The following SNTG1 variants were observed in gnomAD, a reference collection of about 807,000 sequenced individuals.
SNTG1 encodes syntrophin gamma 1.
Under a neutral mutation model 74.7 loss-of-function variants are expected in SNTG1, and 39 were observed. The ratio of observed to expected loss-of-function variants is 0.52; its 90% CI spans 0.40 to 0.68. The LOEUF (loss-of-function observed/expected upper bound fraction) is 0.68. Among genes scored for constraint, SNTG1 ranks in the 30% least tolerant of loss-of-function variants. The pLI is 0.00. For synonymous variants in SNTG1, 254 were observed against 217.1 expected (o/e 1.17, Z -1.49); for missense variants, 685 against 609.5 (o/e 1.12, Z -1.30).
At chr8:50,209,744 G>A (rs574416936) in intron 2 of SNTG1, among the ~76,000 whole-genome samples, 67 of 152,162 alleles carry the variant, frequency 4.4e-4, no homozygotes, top group African/African-American at 1.5e-3. Flanking sequence ...AAAGACCAAA[G>A]GTAAATAAAA....
chr8:50,246,180 C>T (rs1339196204), intron 2 of SNTG1, among the ~76,000 whole-genome samples: 1 of 150,808 alleles, frequency 6.6e-6, no homozygotes, highest in African/African-American at 2.4e-5. Flanking sequence ...TCATTTAAAA[C>T]TGGAGTAGAA....
At chr8:50,685,481 T>A (rs1293943930) in intron 15 of SNTG1, among the ~76,000 whole-genome samples, 1 of 152,228 alleles carries the variant, frequency 6.6e-6, no homozygotes, top group Non-Finnish European at 1.5e-5. Flanking sequence ...TTATATTTTT[T>A]AAAAAACATA....
At chr8:49,996,867 G>A (rs1349367170) in intron 1 of SNTG1, among the ~76,000 whole-genome samples, 1 of 152,006 alleles carries the variant, frequency 6.6e-6, no homozygotes, top group Non-Finnish European at 1.5e-5. Flanking sequence ...TTAGATTGTG[G>A]CAATCCTGGA....
chr8:49,949,134 C>T (rs990987419), intron 1 of SNTG1, among the ~76,000 whole-genome samples: 20 of 152,268 alleles, frequency 1.3e-4, no homozygotes, highest in Non-Finnish European at 2.5e-4. Context: ...CCTGATGGTT[C>T]TAAAAGTTGC....
At chr8:50,600,387 G>A (rs2094763818) in intron 13 of SNTG1, among the ~76,000 whole-genome samples, 1 of 151,986 alleles carries the variant, frequency 6.6e-6, no homozygotes, top group African/African-American at 2.4e-5. Flanking sequence ...TTCTTTAAAT[G>A]TTTGATAGAA....
chr8:49,941,031 T>C (rs1202839604), intron 1 of SNTG1, among the ~76,000 whole-genome samples: 1 of 152,218 alleles, frequency 6.6e-6, no homozygotes, highest in African/African-American at 2.4e-5. Context: ...TGGACTGGAC[T>C]GAATTCATCA....
intron 1 of SNTG1, among the ~76,000 whole-genome samples, chr8:50,153,017 T>C (rs2082123386): frequency 6.6e-6 from 1 of 152,230 alleles, no homozygotes. Context: ...CTTGGTTCTA[T>C]TCTCCCCGTC....
chr8:50,400,462 A>G (rs1358224198), intron 3 of SNTG1, among the ~76,000 whole-genome samples: 1 of 152,184 alleles, frequency 6.6e-6, no homozygotes, highest in Non-Finnish European at 1.5e-5. Context: ...GAATAGTGCT[A>G]CAATAAACAT....
At chr8:50,180,762 T>TC (rs2083174823) in intron 2 of SNTG1, among the ~76,000 whole-genome samples, 1 of 142,872 alleles carries the variant, frequency 7.0e-6, no homozygotes, top group African/African-American at 2.6e-5. Context: ...TTTTTTTTTT[T>TC]TTTTTTTTTT....
At chr8:50,626,979 C>A (rs1169618009) in intron 13 of SNTG1, among the ~76,000 whole-genome samples, 1 of 152,046 alleles carries the variant, frequency 6.6e-6, no homozygotes, top group Non-Finnish European at 1.5e-5. Context: ...TCATTACAAT[C>A]CCTATTTATT....
At chr8:50,758,402 T>C (rs1455608368) in intron 18 of SNTG1, among the ~76,000 whole-genome samples, 4 of 152,098 alleles carry the variant, frequency 2.6e-5, no homozygotes, top group South Asian at 2.1e-4. Context: ...ACACGTGCCA[T>C]GGTGGTTTGC....
chr8:49,970,096 A>C (rs2129923874), intron 1 of SNTG1, among the ~76,000 whole-genome samples: 1 of 152,292 alleles, frequency 6.6e-6, no homozygotes, highest in East Asian at 1.9e-4. Flanking sequence ...TGGCGTAAAG[A>C]ATGCAACTTT....
chr8:50,613,549 G>T (rs971629469), intron 13 of SNTG1, among the ~76,000 whole-genome samples: 2 of 152,128 alleles, frequency 1.3e-5, no homozygotes, highest in African/African-American at 4.8e-5. Flanking sequence ...ATGAATTGAT[G>T]AATACAGATA....
At chr8:50,021,303 C>G (rs1816793420) in intron 1 of SNTG1, among the ~76,000 whole-genome samples, 1 of 152,144 alleles carries the variant, frequency 6.6e-6, no homozygotes, top group Non-Finnish European at 1.5e-5. Context: ...TTATTTGAAT[C>G]CTGTCAATTT....
chr8:50,743,103 CAA>C (rs35053014), intron 17 of SNTG1, among the ~76,000 whole-genome samples: 8,931 of 133,458 alleles, frequency 0.067, 298 homozygotes, highest in Non-Finnish European at 0.079. Context: ...AAATTCTTAC[CAA>C]AAAAAAAAAA....
intron 2 of SNTG1, among the ~76,000 whole-genome samples, chr8:50,342,698 T>C (rs1381237958): frequency 6.6e-6 from 1 of 152,136 alleles, no homozygotes; most frequent in Non-Finnish European, 1.5e-5. Flanking sequence ...AAGAAGCTTG[T>C]TAATAGAGAG....
chr8:50,515,689 A>T (rs571514926), intron 9 of SNTG1, among the ~76,000 whole-genome samples: 6 of 152,260 alleles, frequency 3.9e-5, no homozygotes, highest in Admixed American at 1.3e-4. Context: ...GTTGCTGGGA[A>T]CTTCTAACAG....
intron 2 of SNTG1, among the ~76,000 whole-genome samples, chr8:50,325,057 A>C (rs1451125610): frequency 7.2e-5 from 3 of 41,826 alleles, no homozygotes; most frequent in Non-Finnish European, 3.0e-4. Flanking sequence ...AATAACCCAG[A>C]AATAGACCCA....
chr8:50,278,227 A>AT (rs1478449625), intron 2 of SNTG1, among the ~76,000 whole-genome samples: 1 of 152,158 alleles, frequency 6.6e-6, no homozygotes, highest in South Asian at 2.1e-4. Context: ...AATTCCATGA[A>AT]TTTTTCTTTC....
Sources: allele counts gnomAD v4.1 joint callset (sites outside exome capture counted in the v4.1 genomes callset), GRCh38; gene constraint gnomAD v4.1.1; transcripts MANE v1.5; gene names NCBI Gene and HGNC (gene_info 2026-07-23, HGNC 2026-07-21).